Variants in MRPL12 observed in about 807,000 individuals in gnomAD.
MRPL12 encodes mitochondrial ribosomal protein L12.
A neutral mutation model predicts 21.1 loss-of-function variants in MRPL12; 13 were observed. The observed-to-expected ratio is 0.62, with a 90% confidence interval of 0.40 to 0.98. The LOEUF (loss-of-function observed/expected upper bound fraction) is 0.98. Ranked by LOEUF, MRPL12 falls within the 50% of genes least tolerant of loss-of-function variation. The probability of loss-of-function intolerance (pLI) is 0.00; values close to 1 mark genes in which losing one functional copy is unlikely to be tolerated. For synonymous variants in MRPL12, 126 were observed against 115.3 expected (o/e 1.09, Z -0.60); for missense variants, 251 against 268.6 (o/e 0.93, Z 0.46).
chr17:81,706,399 A>C (rs774493321), intron 3 of MRPL12, among the ~76,000 whole-genome samples: 1 of 152,090 alleles, frequency 6.6e-6, no homozygotes, highest in African/African-American at 2.4e-5. Context: ...GGCGCGCACC[A>C]CTAGAGACAG....
At position 81,707,288 on chromosome 17, in the gene MRPL12, G is replaced by C; in HGVS notation, c.*48G>C. The C allele has an allele frequency of 6.7e-7, 1 of 1,502,202 alleles. No individual in the cohort carries two copies. The highest frequency in any genetic ancestry group is 8.9e-7 in the Non-Finnish European group (1 of 1,118,756). The allele number at this position is 1,502,202 out of a possible 1,614,324, so 93.1% of individuals were successfully genotyped here. A position where few individuals can be genotyped will look rare whatever the true frequency, so the allele number is the denominator to read the frequency against. On this transcript the variant is annotated 3_prime_UTR_variant, in exon 5 of 5. Coordinates refer to ENST00000333676, the MANE Select transcript of MRPL12 (RefSeq NM_002949.4). ...TTCAGGGGTCCTGGGCCCCGGGCGA[G>C]GTCCCGCCCTCCCGTGGTCACTGGC...
chr17:81,705,780 T>A (rs1374169328), intron 3 of MRPL12, among the ~76,000 whole-genome samples: 1 of 152,228 alleles, frequency 6.6e-6, no homozygotes, highest in East Asian at 1.9e-4. Flanking sequence ...TCAGCCCCTT[T>A]CCCCCACTGG....
At chr17:81,703,712 G>T in intron 1 of MRPL12, 137 bp downstream of exon 1, 3 of 835,414 alleles carry the variant, frequency 3.6e-6, no homozygotes. Flanking sequence ...GGTCCCATCG[G>T]GGGCGCGGGG....
chr17:81,704,813 A>C (rs1303742000), intron 3 of MRPL12, 97 bp downstream of exon 3: 5 of 1,070,944 alleles, frequency 4.7e-6, no homozygotes, highest in Admixed American at 2.1e-5. Context: ...AGCTACCGTC[A>C]TTGTCTGCAG....
Position 81,703,527 on chromosome 17 carries a change from T to C in MRPL12, c.26T>C (p.Leu9Pro). 6.8e-7 allele frequency: 1 copy of C among 1,480,492 alleles called. No homozygotes were observed. Among genetic ancestry groups the C allele is most frequent in the Non-Finnish European group, 8.9e-7 (1 of 1,121,874 alleles). 91.7% of individuals were successfully genotyped at this position (1,480,492 alleles called of 1,614,324 possible). A position where few individuals can be genotyped will look rare whatever the true frequency, so the allele number is the denominator to read the frequency against. The change falls in exon 1 of 5, where the codon CTG (leucine) becomes CCG (proline). Residue 9 changes from leucine (L) to proline (P), a missense_variant. Leu to Pro is a moderately conservative substitution (Grantham distance 98). Coordinates refer to ENST00000333676, the MANE Select transcript of MRPL12 (RefSeq NM_002949.4). ...ATGCTGCCGGCGGCCGCTCGCCCCC[T>C]GTGGGGGCCTTGCCTTGGGCTTCGG... The part of the protein sequence containing the change: MLPAAARP[L>P]WGPCLGLRAA...
Position 81,706,958 on chromosome 17 carries a change from G to A in MRPL12, c.398G>A (p.Arg133His), listed in dbSNP as rs143872119. 28 of 1,613,978 alleles carry A rather than the reference G, an allele frequency of 1.7e-5. No homozygotes were observed. Among genetic ancestry groups the A allele is most frequent in the African/African-American group, 8.0e-5 (6 of 74,936 alleles). The change falls in exon 4 of 5, where the codon CGC becomes CAC. Residue 133 changes from arginine to histidine, a missense_variant. Physicochemically the swap from Arg to His is conservative, Grantham distance 29. Coordinates refer to ENST00000333676, the MANE Select transcript of MRPL12 (RefSeq NM_002949.4). ...AAAGAACGGACACATTTCACCGTCC[G>A]CCTGACCGAGGCGAAGCCCGTGGAC... ...IAKERTHFTVRLTEAKPVDKV... is the reference protein window; with the variant it reads ...IAKERTHFTVHLTEAKPVDKV...
chr17:81,704,790 T>C, intron 3 of MRPL12, 74 bp downstream of exon 3: 1 of 1,281,166 alleles, frequency 7.8e-7, no homozygotes, highest in Non-Finnish European at 1.1e-6. Context: ...TGGTCCCGTA[T>C]CTCAGGTTCT....
rs761553334 is a variant in MRPL12 at position 81,703,573 on chromosome 17, C to T, written c.72C>T (p.Ala24=). 1 of 1,442,892 alleles carries T rather than the reference C, an allele frequency of 6.9e-7. No individual in the cohort carries two copies. 89.4% of individuals were successfully genotyped at this position (1,442,892 alleles called of 1,614,324 possible). A position where few individuals can be genotyped will look rare whatever the true frequency, so the allele number is the denominator to read the frequency against. The change falls in exon 1 of 5, where the codon GCC becomes GCT. Residue 24 remains alanine, a splice_region_variant and synonymous_variant. Coordinates refer to ENST00000333676, the MANE Select transcript of MRPL12 (RefSeq NM_002949.4). ...LGLRAAAFRL[A]RRQVPCVCAV... ...TTCGGGCCGCTGCGTTCCGCCTTGC[C>T]AGGTACGCGGGATCCTGGGGCGGTC...
chr17:81,707,345 C>A lies in MRPL12; in HGVS notation c.*105C>A. The A allele has an allele frequency of 9.0e-7, 1 of 1,109,060 alleles. No homozygotes were observed. The highest frequency in any genetic ancestry group is 1.3e-6 in the Non-Finnish European group (1 of 777,138). The allele number at this position is 1,109,060 out of a possible 1,614,324, so 68.7% of individuals were successfully genotyped here. On this transcript the variant is annotated 3_prime_UTR_variant, in exon 5 of 5. Coordinates refer to ENST00000333676, the MANE Select transcript of MRPL12 (RefSeq NM_002949.4). ...CCCAGCACCAGGCGCCCAGTGGAGC[C>A]GTTTGGGAGAATTGCCTGCGCCACG...
rs2037325157 is a variant in MRPL12, at chr17:81,707,337, AGTGGAGCCGTTTG to A, written c.*99_*111del. On this transcript the variant is annotated 3_prime_UTR_variant, in exon 5 of 5. Coordinates refer to ENST00000333676, the MANE Select transcript of MRPL12 (RefSeq NM_002949.4). ...GCTCCGCCCCCAGCACCAGGCGCCC[AGTGGAGCCGTTTG>A]GGAGAATTGCCTGCGCCACGCAGCG... 2 of 1,198,158 alleles carry A rather than the reference AGTGGAGCCGTTTG, an allele frequency of 1.7e-6. No individual in the cohort carries two copies. Among genetic ancestry groups the A allele is most frequent in the Admixed American group, 4.6e-5 (2 of 43,018 alleles). 74.2% of individuals were successfully genotyped at this position (1,198,158 alleles called of 1,614,324 possible).
At chr17:81,706,332 C>T (rs1017924862) in intron 3 of MRPL12, among the ~76,000 whole-genome samples, 1 of 152,102 alleles carries the variant, frequency 6.6e-6, no homozygotes, top group Non-Finnish European at 1.5e-5. Context: ...TCTCAGCCCC[C>T]GCCTCCCGGG....
intron 3 of MRPL12, among the ~76,000 whole-genome samples, chr17:81,705,363 C>T (rs935846965): frequency 2.3e-4 from 29 of 124,490 alleles, no homozygotes; most frequent in African/African-American, 8.9e-4. Flanking sequence ...TGCCTTCCAA[C>T]TTGGCAACAG....
In MRPL12 at chr17:81,703,443, G is replaced by C. The variant is rs946566125; in HGVS notation, c.-59G>C. 1.3e-4 allele frequency: 191 copies of C among 1,417,160 alleles called. No individual in the cohort carries two copies. The highest frequency in any genetic ancestry group is 1.7e-4 in the Non-Finnish European group (178 of 1,073,872). 87.8% of individuals were successfully genotyped at this position (1,417,160 alleles called of 1,614,324 possible). On this transcript the variant is annotated 5_prime_UTR_variant, in exon 1 of 5. Transcript: ENST00000333676. ...CCAGCTCGAATGCCCGGCGGCCGAG[G>C]CGGCTAGAGCGTCGCCTCCTCCCGG...
Position 81,707,147 on chromosome 17 carries a change from G to T in MRPL12, c.504G>T (p.Leu168=). The change falls in exon 5 of 5, where the codon CTG becomes CTT. Residue 168 remains leucine, a synonymous_variant. Transcript: ENST00000333676. The part of the protein sequence containing the change: ...LVQAKKLVES[L]PQEIKANVAK... ...AGGCAAAGAAGCTGGTGGAGTCCCT[G>T]CCCCAGGAAATCAAAGCCAATGTCG... The T allele has an allele frequency of 6.2e-7, 1 of 1,614,012 alleles. No individual in the cohort carries two copies. Among genetic ancestry groups the T allele is most frequent in the Non-Finnish European group, 8.5e-7 (1 of 1,179,974 alleles).
Position 81,704,438 on chromosome 17 carries a change from G to A in MRPL12, c.261+8G>A. Reference sequence around the variant, plus strand: ...CTCAACGAGCTCCTGAAGGTATCGTGAGAGGGTGGCACAGACCCAGGGGCT... The same window carrying A: ...CTCAACGAGCTCCTGAAGGTATCGTAAGAGGGTGGCACAGACCCAGGGGCT... On this transcript the variant is annotated splice_region_variant and intron_variant, in intron 2 of 4. Transcript: ENST00000333676. 6.2e-7 allele frequency: 1 copy of A among 1,610,036 alleles called. No homozygotes were observed. The highest frequency in any genetic ancestry group is 8.5e-7 in the Non-Finnish European group (1 of 1,177,788).
At chr17:81,703,918 C>G (rs576568484) in intron 1 of MRPL12, among the ~76,000 whole-genome samples, 129 of 152,322 alleles carry the variant, frequency 8.5e-4, no homozygotes, top group Non-Finnish European at 1.5e-3. Context: ...GAAGATGCAC[C>G]TAAGTAATAG....
At position 81,706,779 on chromosome 17, in the gene MRPL12, T is replaced by C. The variant is rs73354148; in HGVS notation, c.346-127T>C. 7.6e-3 allele frequency: 8,815 copies of C among 1,152,490 alleles called. 485 individuals carry two copies. In the African/African-American group the frequency reaches 0.11, roughly 15 times the overall value. The allele number at this position is 1,152,490 out of a possible 1,614,324, so 71.4% of individuals were successfully genotyped here. A position where few individuals can be genotyped will look rare whatever the true frequency, so the allele number is the denominator to read the frequency against. ...TGAGTTGGGAGACGTGACTTCCAAC[T>C]CCAGGCTTCGCTGGGGCCTCCGCTG... On this transcript the variant is annotated intron_variant, in intron 3 of 4. Coordinates refer to ENST00000333676, the MANE Select transcript of MRPL12 (RefSeq NM_002949.4).
At chr17:81,707,075 C>T (rs554430708) in intron 4 of MRPL12, 35 bp downstream of exon 4, 58 of 1,613,964 alleles carry the variant, frequency 3.6e-5, no homozygotes, top group Middle Eastern at 1.6e-4. Flanking sequence ...AGGCAGGTTC[C>T]GTTGTGGTGG....
rs375149246 is a variant in MRPL12 at position 81,707,106 on chromosome 17, C to A, written c.481-18C>A. 2.0e-5 allele frequency: 32 copies of A among 1,613,842 alleles called. No individual in the cohort carries two copies. Among genetic ancestry groups the A allele is most frequent in the Non-Finnish European group, 2.6e-5 (31 of 1,180,016 alleles). ...GGTGGCCAGGGCCCCCAGTCCCTGA[C>A]TTTGCTCTCTCTGGCAGGCAAAGAA... On this transcript the variant is annotated intron_variant, in intron 4 of 4. Transcript: ENST00000333676.
Sources: gnomAD v4.1 joint callset for allele counts (sites outside exome capture counted in the v4.1 genomes callset) on GRCh38, gnomAD v4.1.1 for gene constraint, MANE v1.5 for transcripts, NCBI Gene and HGNC (gene_info 2026-07-23, HGNC 2026-07-21) for gene names.